Variants in SOX6 observed in about 807,000 individuals in gnomAD.
The protein encoded by SOX6 is transcription factor SOX-6.
Under a neutral mutation model 97.8 loss-of-function variants are expected in SOX6, and 11 were observed. The ratio of observed to expected loss-of-function variants is 0.11; its 90% CI spans 0.07 to 0.19. The LOEUF (loss-of-function observed/expected upper bound fraction) is 0.19. Among genes scored for constraint, SOX6 ranks in the 10% least tolerant of loss-of-function variants. The pLI is 1.00. For synonymous variants in SOX6, 360 were observed against 371.4 expected (o/e 0.97, Z 0.35); for missense variants, 810 against 1,039.5 (o/e 0.78, Z 3.04).
intron 3 of SOX6, among the ~76,000 whole-genome samples, chr11:16,249,504 C>G (rs994180128): frequency 6.6e-6 from 1 of 152,154 alleles, no homozygotes; most frequent in African/African-American, 2.4e-5. Flanking sequence ...TAGGAAGTTC[C>G]AAACTTTTCC....
chr11:16,306,611 C>CTTTTTTTTTTTTTT (rs750981587), intron 3 of SOX6, among the ~76,000 whole-genome samples: 21 of 120,796 alleles, frequency 1.7e-4, no homozygotes, highest in Middle Eastern at 4.8e-3. Flanking sequence ...CCTCAAATTT[C>CTTTTTTTTTTTTTT]TTTTTTTTTT....
At position 16,138,867 on chromosome 11, in the gene SOX6, A is replaced by G. The variant is rs1219815653; in HGVS notation, c.778-26944T>C. On this transcript the variant is annotated intron_variant, in intron 6 of 15. Transcript: ENST00000683767. ...TTTCCAGTTTCATCCTTGTCCCTAC[A>G]AAGGACATGAACTCATCATTTTTTA... Among the ~76,000 whole-genome samples, 6 of 152,172 alleles carry G rather than the reference A, an allele frequency of 3.9e-5. No homozygotes were observed. In the East Asian group the frequency reaches 9.6e-4, roughly 24 times the overall value.
At chr11:16,340,135 T>C (rs1366292724) in intron 2 of SOX6, among the ~76,000 whole-genome samples, 1 of 152,080 alleles carries the variant, frequency 6.6e-6, no homozygotes, top group Admixed American at 6.6e-5. Flanking sequence ...GTGTTATTAG[T>C]AGTAAAGGCA....
chr11:16,423,251 T>G (rs1859055360), intron 1 of SOX6, among the ~76,000 whole-genome samples: 1 of 152,158 alleles, frequency 6.6e-6, no homozygotes, highest in South Asian at 2.1e-4. Context: ...GAGCTCTTCT[T>G]CCAGTACTTT....
intron 7 of SOX6, among the ~76,000 whole-genome samples, chr11:16,103,221 T>C (rs1444194453): frequency 3.3e-5 from 5 of 151,446 alleles, no homozygotes; most frequent in Non-Finnish European, 7.4e-5. Context: ...AGGACATGAA[T>C]AGACAATTTT....
chr11:16,095,862 T>A (rs1020027667), intron 9 of SOX6, 134 bp downstream of exon 9: 90 of 1,069,142 alleles, frequency 8.4e-5, no homozygotes, highest in Non-Finnish European at 1.1e-4. Context: ...TCCTTAGGAA[T>A]GAGAAAAAGG....
chr11:16,363,321 C>T lies in SOX6; in HGVS notation c.-4-22069G>A, dbSNP rs552866320. 2.6e-5 allele frequency among the ~76,000 whole-genome samples: 4 copies of T among 152,264 alleles called. No homozygotes were observed. In the South Asian group the frequency reaches 8.3e-4, roughly 32 times the overall value. On this transcript the variant is annotated intron_variant, in intron 1 of 15. Coordinates refer to the SOX6 transcript ENST00000396356. ...TTGAGCATTCCCTAATCTGAAAATG[C>T]TCCAGAATCTGAAAATTTTTGAGCT... is the stretch of plus-strand genomic sequence containing the variant.
chr11:16,513,438 G>T (rs1406189683), intron 4 of SOX6, among the ~76,000 whole-genome samples: 1 of 152,014 alleles, frequency 6.6e-6, no homozygotes, highest in Non-Finnish European at 1.5e-5. Context: ...TTTGAGACCA[G>T]CCTGGCCAAC....
chr11:15,998,473 TCA>T (rs1854298197), intron 13 of SOX6, among the ~76,000 whole-genome samples: 1 of 102,672 alleles, frequency 9.7e-6, no homozygotes, highest in African/African-American at 2.8e-5. Flanking sequence ...ATCAGAAGAC[TCA>T]ATATTGTTAC....
chr11:16,258,951 T>C, intron 3 of SOX6, among the ~76,000 whole-genome samples: 1 of 150,440 alleles, frequency 6.6e-6, no homozygotes, highest in Non-Finnish European at 1.5e-5. Context: ...CTCTGTACTT[T>C]GCACTCTATT....
intron 4 of SOX6, among the ~76,000 whole-genome samples, chr11:16,520,079 G>A (rs1049956217): frequency 2.0e-5 from 3 of 152,072 alleles, no homozygotes; most frequent in East Asian, 1.9e-4. Flanking sequence ...GTGTAAATTC[G>A]TCATAGATTC....
At chr11:16,602,851 A>C (rs1848286843) in intron 4 of SOX6, among the ~76,000 whole-genome samples, 1 of 152,050 alleles carries the variant, frequency 6.6e-6, no homozygotes, top group Admixed American at 6.5e-5. Context: ...GTGAAACCTC[A>C]TCTCCACAAA....
intron 4 of SOX6, among the ~76,000 whole-genome samples, chr11:16,546,357 A>T (rs1052194758): frequency 4.3e-4 from 65 of 152,234 alleles, no homozygotes; most frequent in South Asian, 8.3e-4. Context: ...AATATTTAAC[A>T]TATATTAGAA....
intron 4 of SOX6, among the ~76,000 whole-genome samples, chr11:16,568,900 C>T (rs969773328): frequency 6.6e-6 from 1 of 152,188 alleles, no homozygotes; most frequent in Non-Finnish European, 1.5e-5. Context: ...TCCCATCCCG[C>T]AATTGTGATT....
intron 1 of SOX6, among the ~76,000 whole-genome samples, chr11:16,448,347 A>C (rs866576994): frequency 6.6e-6 from 1 of 152,070 alleles, no homozygotes; most frequent in South Asian, 2.1e-4. Context: ...TTTACTCATA[A>C]CTCATCAAAC....
intron 13 of SOX6, among the ~76,000 whole-genome samples, chr11:15,995,331 A>G (rs1854190991): frequency 6.6e-6 from 1 of 152,174 alleles, no homozygotes; most frequent in Non-Finnish European, 1.5e-5. Context: ...TTGCCCTAAG[A>G]CTAAAAACAA....
intron 6 of SOX6, among the ~76,000 whole-genome samples, chr11:16,179,871 T>C (rs1187128032): frequency 6.6e-6 from 1 of 151,840 alleles, no homozygotes; most frequent in African/African-American, 2.4e-5. Flanking sequence ...AACTCTAAAA[T>C]TGGAGTCTGA....
chr11:16,168,367 A>G (rs1271876830), intron 6 of SOX6, among the ~76,000 whole-genome samples: 6 of 152,156 alleles, frequency 3.9e-5, no homozygotes, highest in Admixed American at 3.9e-4. Flanking sequence ...ATAACATCTT[A>G]AATAATAAAG....
intron 3 of SOX6, among the ~76,000 whole-genome samples, chr11:16,292,110 CA>C: frequency 6.6e-6 from 1 of 152,146 alleles, no homozygotes; most frequent in East Asian, 1.9e-4. Context: ...ATAGCCCATT[CA>C]AACAAGATTA....
Sources: gnomAD v4.1 joint callset for allele counts (sites outside exome capture counted in the v4.1 genomes callset) on GRCh38, gnomAD v4.1.1 for gene constraint, MANE v1.5 for transcripts, NCBI Gene and HGNC (gene_info 2026-07-23, HGNC 2026-07-21) for gene names.